The following DOCK4 variants were observed in gnomAD, a reference collection of about 807,000 sequenced individuals.
DOCK4 encodes the protein dedicator of cytokinesis protein 4.
A neutral mutation model predicts 268.1 loss-of-function variants in DOCK4; 97 were observed. The ratio of observed to expected loss-of-function variants is 0.36; its 90% CI spans 0.31 to 0.43. DOCK4 has a LOEUF of 0.43. DOCK4 is among the 20% of genes least tolerant of loss of function. The pLI is 1.00. For synonymous variants in DOCK4, 954 were observed against 887.2 expected, an observed-to-expected ratio of 1.08 and a Z score of -1.34; for missense variants, 2,145 against 2,455.7, an observed-to-expected ratio of 0.87 and a Z score of 2.67.
At chr7:112,168,129 AC>A (rs1369191884) in intron 1 of DOCK4, among the ~76,000 whole-genome samples, 1 of 152,206 alleles carries the variant, frequency 6.6e-6, no homozygotes, top group Non-Finnish European at 1.5e-5. Context: ...CTGGTACTTA[AC>A]TAGTAAAAAT....
At chr7:111,993,781 A>C (rs1799715578) in intron 5 of DOCK4, among the ~76,000 whole-genome samples, 1 of 152,208 alleles carries the variant, frequency 6.6e-6, no homozygotes, top group Admixed American at 6.5e-5. Context: ...TGAATTACTT[A>C]CAGAATTTGA....
chr7:112,202,794 ATAT>A (rs957684107), intron 1 of DOCK4, among the ~76,000 whole-genome samples: 2 of 152,006 alleles, frequency 1.3e-5, no homozygotes, highest in Non-Finnish European at 2.9e-5. Flanking sequence ...CTTAAAAAAT[ATAT>A]TATTATTATT....
chr7:111,894,005 C>A (rs759579416), intron 16 of DOCK4, among the ~76,000 whole-genome samples: 1 of 152,192 alleles, frequency 6.6e-6, no homozygotes, highest in South Asian at 2.1e-4. Flanking sequence ...GGGCGGATCA[C>A]GAGGTCAGGA....
chr7:111,847,231 A>C, intron 23 of DOCK4, 105 bp from the exon 24 acceptor site: 2 of 1,389,714 alleles, frequency 1.4e-6, no homozygotes, highest in Non-Finnish European at 2.0e-6. Flanking sequence ...TAAATTATTA[A>C]CACATGTAGT....
chr7:111,841,352 G>A (rs529869244), intron 25 of DOCK4, among the ~76,000 whole-genome samples: 31 of 151,892 alleles, frequency 2.0e-4, no homozygotes, highest in African/African-American at 7.5e-4. Flanking sequence ...TTTTTAGTGG[G>A]GGTTTCAAGA....
intron 8 of DOCK4, among the ~76,000 whole-genome samples, chr7:111,959,908 T>A (rs1282077611): frequency 6.6e-6 from 1 of 152,220 alleles, no homozygotes; most frequent in Non-Finnish European, 1.5e-5. Context: ...AAAGCTAACC[T>A]GGGAGTCTGG....
intron 15 of DOCK4, among the ~76,000 whole-genome samples, chr7:111,896,207 A>T (rs1231223644): frequency 1.3e-5 from 2 of 152,174 alleles, no homozygotes; most frequent in Non-Finnish European, 2.9e-5. Flanking sequence ...CCCTATATCC[A>T]CACACGTAAG....
At chr7:112,055,594 G>C (rs116627825) in intron 1 of DOCK4, among the ~76,000 whole-genome samples, 4,911 of 152,160 alleles carry the variant, frequency 0.032, 292 homozygotes, top group African/African-American at 0.11. Context: ...TACTGCAAAA[G>C]ACGAGATAGA....
chr7:111,745,973 T>G (rs1468068801), intron 44 of DOCK4, among the ~76,000 whole-genome samples: 1 of 152,168 alleles, frequency 6.6e-6, no homozygotes, highest in African/African-American at 2.4e-5. Flanking sequence ...TCAGGCTATG[T>G]GTATAAGATA....
intron 1 of DOCK4, among the ~76,000 whole-genome samples, chr7:112,090,118 G>T (rs1032641508): frequency 1.3e-5 from 2 of 152,058 alleles, no homozygotes; most frequent in Non-Finnish European, 2.9e-5. Context: ...TTAGCTTTTA[G>T]TCTCAAGGTA....
intron 1 of DOCK4, among the ~76,000 whole-genome samples, chr7:112,158,156 G>T (rs73192984): frequency 0.11 from 17,406 of 152,134 alleles, 1,286 homozygotes; most frequent in Non-Finnish European, 0.16. Flanking sequence ...ACAGATGGCT[G>T]AGCTGCACCT....
At chr7:112,194,282 G>A (rs1820227302) in intron 1 of DOCK4, among the ~76,000 whole-genome samples, 1 of 152,198 alleles carries the variant, frequency 6.6e-6, no homozygotes, top group Non-Finnish European at 1.5e-5. Context: ...GGAAAAGTGA[G>A]CAGTGACACC....
rs549651799 is a variant in DOCK4 at position 111,760,781 on chromosome 7, T to TGAGA, written c.4021-460_4021-459insTCTC. ...GTGTGTGTGTGTGTGTGTGTGTGTG[T>TGAGA]GTATTCTGCCGTTCATGATGCTCTC... On this transcript the variant is annotated intron_variant, in intron 39 of 52. Coordinates refer to ENST00000428084, the MANE Select transcript of DOCK4 (RefSeq NM_001363540.2). Among the ~76,000 whole-genome samples, 12 of 143,438 alleles carry TGAGA rather than the reference T, an allele frequency of 8.4e-5. No individual in the cohort carries two copies. The South Asian group carries it at 2.5e-3, about 30-fold the overall frequency. 94.1% of individuals were successfully genotyped at this position (143,438 alleles called of 152,430 possible).
At chr7:112,134,047 T>G (rs746293504) in intron 1 of DOCK4, among the ~76,000 whole-genome samples, 28 of 152,234 alleles carry the variant, frequency 1.8e-4, no homozygotes, top group Non-Finnish European at 3.2e-4. Context: ...GAGGCCAGAA[T>G]GATGTCAATT....
At chr7:111,842,125 T>C (rs975987553) in intron 25 of DOCK4, among the ~76,000 whole-genome samples, 20 of 152,170 alleles carry the variant, frequency 1.3e-4, no homozygotes, top group African/African-American at 4.6e-4. Flanking sequence ...TTCTCCCCTA[T>C]TCCTCCTGCT....
At chr7:112,083,096 G>A (rs998361004) in intron 1 of DOCK4, among the ~76,000 whole-genome samples, 7 of 151,944 alleles carry the variant, frequency 4.6e-5, no homozygotes, top group African/African-American at 1.7e-4. Flanking sequence ...TCTTTTCAGA[G>A]GGTTCACAAC....
At chr7:111,822,160 C>T (rs1380911769) in intron 27 of DOCK4, among the ~76,000 whole-genome samples, 2 of 151,886 alleles carry the variant, frequency 1.3e-5, no homozygotes, top group Non-Finnish European at 1.5e-5. Context: ...AATGCATATG[C>T]TATTATGTTG....
intron 25 of DOCK4, among the ~76,000 whole-genome samples, chr7:111,844,434 C>T (rs1281789505): frequency 6.6e-6 from 1 of 152,126 alleles, no homozygotes; most frequent in African/African-American, 2.4e-5. Flanking sequence ...CTTCTCGTTT[C>T]CTCAAGCAAT....
At chr7:111,770,010 T>C (rs886950094) in intron 36 of DOCK4, among the ~76,000 whole-genome samples, 2 of 151,940 alleles carry the variant, frequency 1.3e-5, no homozygotes, top group African/African-American at 2.4e-5. Context: ...GGTTCAAAGA[T>C]GTGGGGAGAC....
Sources: allele counts gnomAD v4.1 joint callset (sites outside exome capture counted in the v4.1 genomes callset), GRCh38; gene constraint gnomAD v4.1.1; transcripts MANE v1.5; gene names NCBI Gene and HGNC (gene_info 2026-07-23, HGNC 2026-07-21).